Variants in GPC6 observed in about 807,000 individuals in gnomAD.
GPC6 encodes glypican 6, also known as glypican-6.
A neutral mutation model predicts 55.2 loss-of-function variants in GPC6; 14 were observed. That is an observed-to-expected ratio of 0.25 (90% CI 0.17 to 0.40). GPC6 has a LOEUF of 0.40. GPC6 is among the 10% of genes least tolerant of loss of function. The pLI is 1.00. For missense variants in GPC6, 641 were observed against 708.5 expected, an observed-to-expected ratio of 0.90 and a Z score of 1.08; for synonymous variants, 278 against 259.6, an observed-to-expected ratio of 1.07 and a Z score of -0.68.
At chr13:93,542,164 G>A (rs1200434073) in intron 1 of GPC6, among the ~76,000 whole-genome samples, 2 of 152,056 alleles carry the variant, frequency 1.3e-5, no homozygotes, top group East Asian at 1.9e-4. Context: ...TAGGTCTAAC[G>A]TTTAAGTCTT....
chr13:94,285,723 C>T (rs1035132468), intron 4 of GPC6, among the ~76,000 whole-genome samples: 5 of 152,150 alleles, frequency 3.3e-5, no homozygotes, highest in African/African-American at 7.2e-5. Flanking sequence ...AGTGTAATTT[C>T]GTCAACTTTT....
At chr13:93,537,346 T>A (rs562557788) in intron 1 of GPC6, among the ~76,000 whole-genome samples, 3 of 152,300 alleles carry the variant, frequency 2.0e-5, no homozygotes, top group African/African-American at 7.2e-5. Context: ...ATTTTGAAAA[T>A]GGTGAAAACT....
intron 5 of GPC6, among the ~76,000 whole-genome samples, chr13:94,291,461 G>A (rs1874974761): frequency 6.6e-6 from 1 of 152,200 alleles, no homozygotes; most frequent in Non-Finnish European, 1.5e-5. Context: ...AAATATCATG[G>A]AGAGGTAAAG....
chr13:94,047,414 T>C (rs573906177), intron 4 of GPC6, among the ~76,000 whole-genome samples: 2 of 152,126 alleles, frequency 1.3e-5, no homozygotes, highest in Admixed American at 1.3e-4. Flanking sequence ...CCTTTTTCTT[T>C]CAGCATCCAT....
In GPC6 at chr13:94,312,181, C is replaced by T. The variant is rs537804364; in HGVS notation, c.1152+6058C>T. On this transcript the variant is annotated intron_variant, in intron 6 of 8. Transcript: ENST00000377047. ...CCAAAACAAACAAACAACACAAAAA[C>T]CAGATGTCTGTTTTGTATATGAATC... is the stretch of plus-strand genomic sequence containing the variant. Among the ~76,000 whole-genome samples, 14 of 152,314 alleles carry T rather than the reference C, an allele frequency of 9.2e-5. No homozygotes were observed. The South Asian group carries it at 2.9e-3, about 32-fold the overall frequency.
chr13:94,319,205 A>G (rs1178309569), intron 6 of GPC6, among the ~76,000 whole-genome samples: 1 of 151,090 alleles, frequency 6.6e-6, no homozygotes, highest in South Asian at 2.1e-4. Flanking sequence ...TTTTTCTTTT[A>G]GTGTTTGGAA....
At chr13:94,041,630 C>A (rs1883539384) in intron 4 of GPC6, among the ~76,000 whole-genome samples, 1 of 151,780 alleles carries the variant, frequency 6.6e-6, no homozygotes, top group African/African-American at 2.4e-5. Flanking sequence ...TCTGGACGAT[C>A]ACTTAAAATG....
chr13:94,042,056 G>T (rs1883557565), intron 4 of GPC6, among the ~76,000 whole-genome samples: 1 of 151,828 alleles, frequency 6.6e-6, no homozygotes, highest in Admixed American at 6.6e-5. Context: ...AGTTTCTCAT[G>T]AATGGTTTAA....
intron 1 of GPC6, among the ~76,000 whole-genome samples, chr13:93,453,545 C>G (rs2590558): frequency 0.41 from 58,195 of 141,372 alleles, 14,944 homozygotes; most frequent in Admixed American, 0.52. Flanking sequence ...CGCGGACCCT[C>G]GCAGTGAGTG....
At chr13:93,365,915 A>C (rs1294983381) in intron 1 of GPC6, among the ~76,000 whole-genome samples, 1 of 152,110 alleles carries the variant, frequency 6.6e-6, no homozygotes, top group Non-Finnish European at 1.5e-5. Context: ...TCCCATGTTG[A>C]ATAAAATATT....
At chr13:93,312,134 C>T (rs529559316) in intron 1 of GPC6, among the ~76,000 whole-genome samples, 42 of 152,240 alleles carry the variant, frequency 2.8e-4, no homozygotes, top group African/African-American at 7.9e-4. Context: ...AAACAAACAG[C>T]TTCTCTTTTT....
At chr13:94,329,314 A>T (rs1332270129) in intron 6 of GPC6, among the ~76,000 whole-genome samples, 1 of 152,132 alleles carries the variant, frequency 6.6e-6, no homozygotes, top group Non-Finnish European at 1.5e-5. Context: ...GAATTTTCAC[A>T]TGAGTTCACA....
At chr13:93,273,614 C>CTT (rs1877622719) in intron 1 of GPC6, among the ~76,000 whole-genome samples, 1 of 151,884 alleles carries the variant, frequency 6.6e-6, no homozygotes, top group Non-Finnish European at 1.5e-5. Context: ...ACCGAGATTG[C>CTT]GCCACTGCAC....
intron 2 of GPC6, among the ~76,000 whole-genome samples, chr13:93,770,458 G>T (rs1253060975): frequency 1.3e-5 from 2 of 152,110 alleles, no homozygotes; most frequent in Admixed American, 6.6e-5. Context: ...GTGGTCTGAG[G>T]CATGCCACCA....
chr13:94,271,378 G>GCA (rs1491249825), intron 4 of GPC6, among the ~76,000 whole-genome samples: 1,814 of 112,784 alleles, frequency 0.016, 12 homozygotes, highest in South Asian at 0.028. Context: ...GCGCGCGCGC[G>GCA]CGCGCACACA....
rs985525267 is a variant in GPC6 at position 94,208,755 on chromosome 13, A to G, written c.878-77594A>G. 3.5e-5 allele frequency among the ~76,000 whole-genome samples: 5 copies of G among 142,544 alleles called. No homozygotes were observed. In the East Asian group the frequency reaches 1.1e-3, roughly 33 times the overall value. 93.5% of individuals were successfully genotyped at this position (142,544 alleles called of 152,430 possible). ...AGCAAAGCAAGACTCCCATCTCCCA[A>G]AAAAAAAAAAAAAAAAAAAAAAAAC... On this transcript the variant is annotated intron_variant, in intron 4 of 8. Transcript: ENST00000377047.
intron 4 of GPC6, among the ~76,000 whole-genome samples, chr13:94,251,836 A>C (rs1594099262): frequency 6.6e-6 from 1 of 151,458 alleles, no homozygotes; most frequent in Non-Finnish European, 1.5e-5. Flanking sequence ...TTTATCATTG[A>C]TTTGGTGTAA....
intron 4 of GPC6, among the ~76,000 whole-genome samples, chr13:94,080,372 A>G (rs750551165): frequency 3.3e-5 from 5 of 151,714 alleles, no homozygotes; most frequent in African/African-American, 9.7e-5. Flanking sequence ...TAAAAATTGC[A>G]TTATTAGAAT....
chr13:94,078,576 C>T (rs1884997904), intron 4 of GPC6, among the ~76,000 whole-genome samples: 1 of 151,826 alleles, frequency 6.6e-6, no homozygotes, highest in Non-Finnish European at 1.5e-5. Context: ...AAAATTGATG[C>T]TGCAGACATA....
Sources: allele counts gnomAD v4.1 joint callset (sites outside exome capture counted in the v4.1 genomes callset), GRCh38; gene constraint gnomAD v4.1.1; transcripts MANE v1.5; gene names NCBI Gene and HGNC (gene_info 2026-07-23, HGNC 2026-07-21).